RXRA: variants seen among roughly 807,000 people sequenced by gnomAD.
RXRA encodes retinoid X receptor alpha.
In RXRA, 5 loss-of-function variants were observed where a neutral mutation model predicts 44.5. The observed-to-expected ratio is 0.11, with a 90% CI of 0.06 to 0.24. The LOEUF (loss-of-function observed/expected upper bound fraction) is 0.24. Ranked by LOEUF, RXRA falls within the 10% of genes least tolerant of loss-of-function variation. The pLI is 1.00. For missense variants in RXRA, 412 were observed against 646.5 expected (o/e 0.64, Z 3.93); for synonymous variants, 291 against 271.4 (o/e 1.07, Z -0.71).
intron 1 of RXRA, among the ~76,000 whole-genome samples, chr9:134,326,884 G>A (rs1834922713): frequency 6.7e-6 from 1 of 148,580 alleles, no homozygotes; most frequent in Non-Finnish European, 1.5e-5. Context: ...GCGGGCGGCG[G>A]GGCCGGGGGG....
chr9:134,395,199 T>C (rs1158062756), intron 1 of RXRA, among the ~76,000 whole-genome samples: 1 of 152,242 alleles, frequency 6.6e-6, no homozygotes, highest in Non-Finnish European at 1.5e-5. Context: ...AACTCCCACA[T>C]GTCCATGGGG....
chr9:134,434,279 G>C, intron 9 of RXRA, 72 bp downstream of exon 9: 2 of 1,113,286 alleles, frequency 1.8e-6, no homozygotes, highest in East Asian at 2.4e-5. Flanking sequence ...CCCCTGCAAG[G>C]CCATTTTATG....
chr9:134,368,816 T>A (rs1013679704), intron 1 of RXRA, among the ~76,000 whole-genome samples: 11 of 150,996 alleles, frequency 7.3e-5, no homozygotes, highest in Admixed American at 4.0e-4. Flanking sequence ...GAGATGTGTG[T>A]GTGCTGTGCA....
rs556799902 is a variant in RXRA at position 134,351,665 on chromosome 9, C to T, written c.28+25006C>T. On this transcript the variant is annotated intron_variant, in intron 1 of 9. Coordinates refer to ENST00000481739, the MANE Select transcript of RXRA (RefSeq NM_002957.6). ...AGTATTTTTCTTGATAATGGAGCTG[C>T]GTCAATTAGAAAATGACATTGCTGG... Among the ~76,000 whole-genome samples the T allele has an allele frequency of 9.2e-5, 14 of 152,348 alleles. No individual in the cohort carries two copies. The East Asian group carries it at 1.5e-3, about 17-fold the overall frequency.
At chr9:134,422,384 C>G (rs1468719475) in intron 6 of RXRA, 8 of 1,278,334 alleles carry the variant, frequency 6.3e-6, no homozygotes, top group Admixed American at 2.3e-5. Flanking sequence ...ACTCCCCCCT[C>G]CCGGGACACT....
At chr9:134,381,430 G>C (rs73663469) in intron 1 of RXRA, among the ~76,000 whole-genome samples, 1 of 152,166 alleles carries the variant, frequency 6.6e-6, no homozygotes, top group Non-Finnish European at 1.5e-5. Context: ...TCTTCTAACT[G>C]TCTGAGCGGG....
intron 3 of RXRA, 64 bp downstream of exon 3, chr9:134,408,363 A>G: frequency 6.7e-7 from 1 of 1,494,090 alleles, no homozygotes; most frequent in Non-Finnish European, 9.0e-7. Flanking sequence ...CAGGGTCTGG[A>G]GGCCTCCCCA....
chr9:134,407,883 G>C lies in RXRA; in HGVS notation c.280-266G>C, dbSNP rs989313924. ...AGGGACCGCCCATGTGTTGGGGGGGGTGTTGAAGGTCCTTTTCCACAGAGG... is the reference window on the plus strand; with the variant it reads ...AGGGACCGCCCATGTGTTGGGGGGGCTGTTGAAGGTCCTTTTCCACAGAGG... On this transcript the variant is annotated intron_variant, in intron 2 of 9. Transcript: ENST00000481739. The surrounding 1 kb of genome is among the most constrained non-coding windows in gnomAD (Gnocchi z 4.8). 6.6e-6 allele frequency among the ~76,000 whole-genome samples: 1 copy of C among 152,072 alleles called. No homozygotes were observed. Among genetic ancestry groups the C allele is most frequent in the Non-Finnish European group, 1.5e-5 (1 of 67,982 alleles).
At chr9:134,427,921 C>T (rs1831461026) in intron 6 of RXRA, among the ~76,000 whole-genome samples, 1 of 152,220 alleles carries the variant, frequency 6.6e-6, no homozygotes, top group Admixed American at 6.5e-5. Flanking sequence ...CTGAAGGTGA[C>T]TGTGTGACTG....
chr9:134,439,018 TG>T lies in RXRA; in HGVS notation c.*2406del, dbSNP rs1404151286. On this transcript the variant is annotated 3_prime_UTR_variant, in exon 10 of 10. Coordinates refer to ENST00000481739, the MANE Select transcript of RXRA (RefSeq NM_002957.6). ...CGGCCTTGTAGTTGTACAGTGCTGT[TG>T]GTTTGAAAAGGTGATGTGTGGGGAG... The T allele has an allele frequency of 3.3e-5, 5 of 152,304 alleles. No individual in the cohort carries two copies. The highest frequency in any genetic ancestry group is 1.2e-4 in the African/African-American group (5 of 41,462). 9.4% of individuals were successfully genotyped at this position (152,304 alleles called of 1,614,324 possible).
intron 6 of RXRA, chr9:134,422,580 CTCTCCCGGG>C: frequency 4.3e-6 from 5 of 1,157,482 alleles, no homozygotes; most frequent in African/African-American, 7.0e-5. Flanking sequence ...GGACACTCCC[CTCTCCCGGG>C]ACACTCCCCG....
At position 134,415,834 on chromosome 9, in the gene RXRA, C is replaced by T. The variant is rs183224148; in HGVS notation, c.611-1324C>T. Among the ~76,000 whole-genome samples the T allele has an allele frequency of 1.5e-3, 229 of 152,284 alleles. 1 individual carries two copies. Among genetic ancestry groups the T allele is most frequent in the African/African-American group, 5.2e-3 (216 of 41,550 alleles). ...GGAGAGGCCTTGACTGGAGTAGGGGCGTGGAGCTGTGCTGGACAGAGGTGG... is the reference window on the plus strand; with the variant it reads ...GGAGAGGCCTTGACTGGAGTAGGGGTGTGGAGCTGTGCTGGACAGAGGTGG... On this transcript the variant is annotated intron_variant, in intron 4 of 9. Coordinates refer to ENST00000481739, the MANE Select transcript of RXRA (RefSeq NM_002957.6).
At chr9:134,332,595 G>A (rs1013742496) in intron 1 of RXRA, among the ~76,000 whole-genome samples, 3 of 152,180 alleles carry the variant, frequency 2.0e-5, no homozygotes, top group Admixed American at 1.3e-4. Flanking sequence ...GGGTGAGGAC[G>A]CAAGGGTGGG....
intron 1 of RXRA, among the ~76,000 whole-genome samples, chr9:134,367,534 G>A (rs1156968834): frequency 6.6e-6 from 1 of 152,240 alleles, no homozygotes; most frequent in South Asian, 2.1e-4. Flanking sequence ...TTCAGTGGTC[G>A]AGGAGCCAGC....
At chr9:134,356,755 C>T (rs1588261620) in intron 1 of RXRA, among the ~76,000 whole-genome samples, 1 of 152,228 alleles carries the variant, frequency 6.6e-6, no homozygotes, top group Non-Finnish European at 1.5e-5. Flanking sequence ...GGGAAGGTGA[C>T]AAGCTTCTCT....
intron 4 of RXRA, 104 bp downstream of exon 4, chr9:134,409,223 T>A (rs1831107914): frequency 5.9e-6 from 7 of 1,193,488 alleles, no homozygotes; most frequent in Non-Finnish European, 8.0e-6. Context: ...GTGAGTGGCC[T>A]GGACAGAAGC....
chr9:134,348,038 T>C (rs978166523), intron 1 of RXRA, among the ~76,000 whole-genome samples: 3 of 152,114 alleles, frequency 2.0e-5, no homozygotes, highest in African/African-American at 4.8e-5. Flanking sequence ...GTGGGTCTGG[T>C]TGCAGTTACA....
rs114601622 is a variant in RXRA at position 134,343,842 on chromosome 9, C to T, written c.28+17183C>T. On this transcript the variant is annotated intron_variant, in intron 1 of 9. Coordinates refer to ENST00000481739, the MANE Select transcript of RXRA (RefSeq NM_002957.6). This position sits in a 1 kb window ranked among gnomAD's most constrained non-coding sequence, Gnocchi z 4.1. ...GGGAAGAGTGTTTCTTCCCGGAAGG[C>T]GGGGCCAGCTGGCTGGGTCAGCAGA... is the stretch of plus-strand genomic sequence containing the variant. Among the ~76,000 whole-genome samples the T allele has an allele frequency of 5.6e-3, 858 of 152,194 alleles. 8 individuals are homozygous for T. The highest frequency in any genetic ancestry group is 0.02 in the African/African-American group (816 of 41,532).
At chr9:134,362,124 C>G (rs895229812) in intron 1 of RXRA, among the ~76,000 whole-genome samples, 6 of 152,164 alleles carry the variant, frequency 3.9e-5, no homozygotes, top group African/African-American at 1.4e-4. Context: ...TCTGCCCGCC[C>G]TGGGCCTTCT....
Sources: gnomAD v4.1 joint callset for allele counts (sites outside exome capture counted in the v4.1 genomes callset) on GRCh38, gnomAD v4.1.1 for gene constraint, Gnocchi (gnomAD v3.1) non-coding constraint, MANE v1.5 for transcripts, NCBI Gene and HGNC (gene_info 2026-07-23, HGNC 2026-07-21) for gene names.